The following CLPX variants were observed in gnomAD, a reference collection of about 807,000 sequenced individuals.
The protein encoded by CLPX is caseinolytic mitochondrial matrix peptidase chaperone subunit X.
In CLPX, 34 loss-of-function variants were observed where a neutral mutation model predicts 76.4. The ratio of observed to expected loss-of-function variants is 0.45; its 90% CI spans 0.34 to 0.59. CLPX has a LOEUF of 0.59. CLPX is among the 20% of genes least tolerant of loss of function. CLPX has a pLI of 0.01. For missense variants in CLPX, 613 were observed against 757.0 expected, an observed-to-expected ratio of 0.81 and a Z score of 2.23; for synonymous variants, 248 against 270.9, an observed-to-expected ratio of 0.92 and a Z score of 0.83.
Position 65,151,456 on chromosome 15 carries a change from GAAAAAAAAAAAAAA to G in CLPX, c.1812-557_1812-544del, listed in dbSNP as rs529752332. 9.0e-3 allele frequency among the ~76,000 whole-genome samples: 671 copies of G among 74,602 alleles called. 1 individual carries two copies. The highest frequency in any genetic ancestry group is 0.015 in the Admixed American group (96 of 6,290). 48.9% of individuals were successfully genotyped at this position (74,602 alleles called of 152,430 possible). A position where few individuals can be genotyped will look rare whatever the true frequency, so the allele number is the denominator to read the frequency against. ...TTCCCTGACAAATTTATTACTGGGA[GAAAAAAAAAAAAAA>G]AAAAAAAAAAGGACAATATGGCTTC... On this transcript the variant is annotated intron_variant, in intron 13 of 13. Transcript: ENST00000300107.
intron 3 of CLPX, among the ~76,000 whole-genome samples, chr15:65,173,367 A>G (rs1294659058): frequency 6.9e-6 from 1 of 143,972 alleles, no homozygotes; most frequent in South Asian, 2.2e-4. Flanking sequence ...CTCTGTCTCA[A>G]AAAAAAAAAA....
At chr15:65,180,572 T>C (rs1231224078) in intron 1 of CLPX, among the ~76,000 whole-genome samples, 2 of 152,160 alleles carry the variant, frequency 1.3e-5, no homozygotes, top group African/African-American at 4.8e-5. Flanking sequence ...CCAATGAGAA[T>C]AAACATCTGA....
At chr15:65,170,267 ATGTCTAAGTAATACATTTTTG>A (rs2087982449) in intron 3 of CLPX, among the ~76,000 whole-genome samples, 1 of 152,080 alleles carries the variant, frequency 6.6e-6, no homozygotes, top group African/African-American at 2.4e-5. Flanking sequence ...CAAAGCTAGT[ATGTCTAAGTAATACATTTTTG>A]TGTAACCCAA....
In CLPX at chr15:65,150,000, T is replaced by C. The variant is rs2087700154; in HGVS notation, c.*823A>G. On this transcript the variant is annotated 3_prime_UTR_variant, in exon 14 of 14. Transcript: ENST00000300107. ...AATACAGCTAAACCAATTATCAAAA[T>C]ATAGTTCTTCAGGGTATTTTTCAAT... The C allele has an allele frequency of 6.6e-6, 1 of 152,202 alleles. No individual in the cohort carries two copies. Among genetic ancestry groups the C allele is most frequent in the Non-Finnish European group, 1.5e-5 (1 of 68,152 alleles). The allele number at this position is 152,202 out of a possible 1,614,324, so 9.4% of individuals were successfully genotyped here.
intron 2 of CLPX, 116 bp from the exon 3 acceptor site, chr15:65,179,167 T>G (rs767885659): frequency 1.7e-6 from 1 of 573,288 alleles, no homozygotes; most frequent in South Asian, 2.4e-5. Context: ...ATTTCTAGGA[T>G]GAAATTATTA....
At chr15:65,167,971 C>T (rs2087940782) in intron 3 of CLPX, among the ~76,000 whole-genome samples, 1 of 151,804 alleles carries the variant, frequency 6.6e-6, no homozygotes. Context: ...ATCAAAAAAC[C>T]ACTAAGAAAC....
chr15:65,171,985 T>C (rs1337031263), intron 3 of CLPX, among the ~76,000 whole-genome samples: 1 of 152,200 alleles, frequency 6.6e-6, no homozygotes, highest in Non-Finnish European at 1.5e-5. Flanking sequence ...AGCATTGCAA[T>C]GCACTTTTTT....
chr15:65,158,094 G>A (rs2087812275), intron 7 of CLPX, 184 bp from the exon 8 acceptor site: 2 of 508,254 alleles, frequency 3.9e-6, no homozygotes, highest in Non-Finnish European at 6.8e-6. Flanking sequence ...AGTGCAGCCT[G>A]TGATCATGGC....
At chr15:65,162,943 C>T (rs185894914) in intron 5 of CLPX, among the ~76,000 whole-genome samples, 12 of 152,244 alleles carry the variant, frequency 7.9e-5, no homozygotes, top group Admixed American at 2.0e-4. Flanking sequence ...TAACCATTTG[C>T]TCCTCCAGCA....
At chr15:65,169,200 C>T (rs1429848024) in intron 3 of CLPX, among the ~76,000 whole-genome samples, 1 of 151,856 alleles carries the variant, frequency 6.6e-6, no homozygotes, top group Non-Finnish European at 1.5e-5. Context: ...GTGATCTGCC[C>T]GCCTCGGCCT....
intron 7 of CLPX, chr15:65,158,143 C>T: frequency 2.6e-6 from 1 of 385,216 alleles, no homozygotes; most frequent in Non-Finnish European, 4.6e-6. Context: ...AGTGATCCTC[C>T]TGCCTCAGCC....
In CLPX at chr15:65,149,585, G is replaced by T. The variant is rs1186584977; in HGVS notation, c.*1238C>A. The T allele has an allele frequency of 4.4e-6, 2 of 453,572 alleles. No homozygotes were observed. Among genetic ancestry groups the T allele is most frequent in the South Asian group, 1.6e-5 (1 of 64,226 alleles). 28.1% of individuals were successfully genotyped at this position (453,572 alleles called of 1,614,324 possible). On this transcript the variant is annotated 3_prime_UTR_variant, in exon 14 of 14. Coordinates refer to ENST00000300107, the MANE Select transcript of CLPX (RefSeq NM_006660.5). ...GGATTAAAGATGGTAAATAAGGCCG[G>T]GTGTGGTGGCTTACGCCTGCAATCC...
intron 6 of CLPX, 133 bp downstream of exon 6, chr15:65,162,471 T>C (rs2087866214): frequency 1.8e-6 from 1 of 570,404 alleles, no homozygotes; most frequent in African/African-American, 1.9e-5. Context: ...TAAACACATT[T>C]AGATAATACG....
rs973368477 is a variant in CLPX, at chr15:65,184,367, T to G, written c.79+708A>C. On this transcript the variant is annotated intron_variant, in intron 1 of 13. Coordinates refer to ENST00000300107, the MANE Select transcript of CLPX (RefSeq NM_006660.5). Reference sequence around the variant, plus strand: ...CATGCGCCACTCTTAGGAAACTACCTCCCGGTCAAGTTGGGAAAGCCAGCA... The same window carrying G: ...CATGCGCCACTCTTAGGAAACTACCGCCCGGTCAAGTTGGGAAAGCCAGCA... 3 of 152,186 alleles carry G rather than the reference T, an allele frequency of 2.0e-5. No individual in the cohort carries two copies. The East Asian group carries it at 5.8e-4, about 29-fold the overall frequency. The allele number at this position is 152,186 out of a possible 1,614,324, so 9.4% of individuals were successfully genotyped here.
intron 13 of CLPX, among the ~76,000 whole-genome samples, chr15:65,151,275 G>C (rs1040962560): frequency 1.4e-5 from 2 of 147,092 alleles, no homozygotes; most frequent in African/African-American, 5.0e-5. Context: ...AACCCAGGAA[G>C]TGGAGGTTGC....
chr15:65,176,907 T>C (rs934627846), intron 3 of CLPX, among the ~76,000 whole-genome samples: 2 of 151,700 alleles, frequency 1.3e-5, no homozygotes, highest in Admixed American at 6.6e-5. Flanking sequence ...AAATTATTCT[T>C]TAGGTCTATA....
At chr15:65,164,637 G>C (rs1174407782) in intron 4 of CLPX, among the ~76,000 whole-genome samples, 1 of 151,926 alleles carries the variant, frequency 6.6e-6, no homozygotes, top group Non-Finnish European at 1.5e-5. Flanking sequence ...TCAGAAACAG[G>C]CATTACATAA....
chr15:65,160,754 T>G (rs2087846848), intron 6 of CLPX, among the ~76,000 whole-genome samples: 1 of 152,126 alleles, frequency 6.6e-6, no homozygotes, highest in African/African-American at 2.4e-5. Flanking sequence ...GATTTAAGTT[T>G]AAAAAAGAAA....
intron 11 of CLPX, among the ~76,000 whole-genome samples, chr15:65,154,058 C>A (rs1566978780): frequency 6.6e-6 from 1 of 152,132 alleles, no homozygotes; most frequent in Non-Finnish European, 1.5e-5. Context: ...TAGGGAACCA[C>A]CGGAGGATTT....
Sources: gnomAD v4.1 joint callset for allele counts (sites outside exome capture counted in the v4.1 genomes callset) on GRCh38, gnomAD v4.1.1 for gene constraint, MANE v1.5 for transcripts, NCBI Gene and HGNC (gene_info 2026-07-23, HGNC 2026-07-21) for gene names.